TECPR2: variants seen among roughly 807,000 people sequenced by gnomAD.
TECPR2 encodes the protein tectonin beta-propeller repeat containing 2.
A neutral mutation model predicts 138.1 loss-of-function variants in TECPR2; 65 were observed. That is an observed-to-expected ratio of 0.47 (90% CI 0.39 to 0.58). The LOEUF is 0.58. Among genes scored for constraint, TECPR2 ranks in the 20% least tolerant of loss-of-function variants. TECPR2 has a pLI of 0.00. For synonymous variants in TECPR2, 746 were observed against 749.8 expected (o/e 0.99, Z 0.08); for missense variants, 1,553 against 1,824.5 (o/e 0.85, Z 2.71).
intron 1 of TECPR2, among the ~76,000 whole-genome samples, chr14:102,370,154 C>T (rs1887463870): frequency 6.6e-6 from 1 of 151,932 alleles, no homozygotes; most frequent in African/African-American, 2.4e-5. Context: ...TCACTGGAAC[C>T]TCTGCCTCCT....
At chr14:102,441,560 C>T (rs1889833080) in intron 11 of TECPR2, among the ~76,000 whole-genome samples, 1 of 151,526 alleles carries the variant, frequency 6.6e-6, no homozygotes, top group African/African-American at 2.4e-5. Context: ...CGTGGTGGCG[C>T]TTGCCTGTAA....
chr14:102,400,094 G>A (rs374254350), intron 2 of TECPR2, among the ~76,000 whole-genome samples: 2 of 149,260 alleles, frequency 1.3e-5, no homozygotes, highest in African/African-American at 2.5e-5. Flanking sequence ...CACCCAGGCT[G>A]GAGTACAGTG....
intron 1 of TECPR2, among the ~76,000 whole-genome samples, chr14:102,371,897 G>A (rs1887517451): frequency 6.6e-6 from 1 of 152,180 alleles, no homozygotes; most frequent in Non-Finnish European, 1.5e-5. Flanking sequence ...AAAAGTCTGT[G>A]TGTGTGCATA....
rs1156769545 is a variant in TECPR2 at position 102,431,048 on chromosome 14, A to G, written c.1085-748A>G. Among the ~76,000 whole-genome samples the G allele has an allele frequency of 2.3e-5, 3 of 129,716 alleles. 1 individual carries two copies. Among genetic ancestry groups the G allele is most frequent in the Non-Finnish European group, 4.8e-5 (3 of 62,360 alleles). The allele number at this position is 129,716 out of a possible 152,430, so 85.1% of individuals were successfully genotyped here. On this transcript the variant is annotated intron_variant, in intron 7 of 19. Transcript: ENST00000359520. ...ACTTTTTTTTTTTTTTTTTTGAGAC[A>G]GGTTTCACTCTGTCGTGCAGGCTGG... is the stretch of plus-strand genomic sequence containing the variant.
At chr14:102,373,229 G>A (rs186840566) in intron 1 of TECPR2, among the ~76,000 whole-genome samples, 19 of 151,652 alleles carry the variant, frequency 1.3e-4, no homozygotes, top group African/African-American at 4.6e-4. Flanking sequence ...TAATGGGTTT[G>A]TGTGCTAAGA....
In TECPR2 at chr14:102,432,135, T is replaced by G; in HGVS notation, c.1417+7T>G. 6.5e-7 allele frequency: 1 copy of G among 1,540,310 alleles called. No individual in the cohort carries two copies. Among genetic ancestry groups the G allele is most frequent in the Non-Finnish European group, 8.8e-7 (1 of 1,140,016 alleles). On this transcript the variant is annotated splice_region_variant and intron_variant, in intron 8 of 19. Transcript: ENST00000359520. ...AAGAAGAAGAAGAAGACAGGTACCC[T>G]CTGTAGCTGGCACACACCCATCTGG...
At chr14:102,428,660 G>T (rs1439424793) in intron 7 of TECPR2, among the ~76,000 whole-genome samples, 2 of 152,078 alleles carry the variant, frequency 1.3e-5, no homozygotes, top group Non-Finnish European at 1.5e-5. Flanking sequence ...TACTCGGGAG[G>T]CTGAGGTGGG....
rs1448522801 is a variant in TECPR2, at chr14:102,376,228, T to TTCAGGATGTGTTCA, written c.-72-421_-72-408dup. Reference sequence around the variant, plus strand: ...CTGTCCAACCTGGTGGGCTTCATAGTTCAGGATGTGTTCAGTGAAGCCATG... The same window carrying TTCAGGATGTGTTCA: ...CTGTCCAACCTGGTGGGCTTCATAGTTCAGGATGTGTTCATCAGGATGTGTTCAGTGAAGCCATG... On this transcript the variant is annotated intron_variant, in intron 1 of 19. Coordinates refer to ENST00000359520, the MANE Select transcript of TECPR2 (RefSeq NM_014844.5). Among the ~76,000 whole-genome samples the TTCAGGATGTGTTCA allele has an allele frequency of 2.0e-5, 3 of 152,210 alleles. No homozygotes were observed. The East Asian group carries it at 5.8e-4, about 29-fold the overall frequency.
At chr14:102,411,293 A>G (rs1451235751) in intron 4 of TECPR2, among the ~76,000 whole-genome samples, 1 of 152,224 alleles carries the variant, frequency 6.6e-6, no homozygotes, top group Non-Finnish European at 1.5e-5. Context: ...CAGGAATGTC[A>G]GGCCTCTGAG....
intron 16 of TECPR2, among the ~76,000 whole-genome samples, chr14:102,457,869 CT>C (rs748372168): frequency 5.5e-3 from 563 of 102,728 alleles, no homozygotes; most frequent in African/African-American, 0.012. Flanking sequence ...ACTAAATTCC[CT>C]TTTTTTTTTT....
At chr14:102,409,911 T>G (rs1888776551) in intron 4 of TECPR2, among the ~76,000 whole-genome samples, 1 of 152,152 alleles carries the variant, frequency 6.6e-6, no homozygotes, top group South Asian at 2.1e-4. Context: ...TTCAAGGGAT[T>G]CTCATGCCTC....
At position 102,440,700 on chromosome 14, in the gene TECPR2, G is replaced by A. The variant is rs2295974; in HGVS notation, c.2752+91G>A. On this transcript the variant is annotated intron_variant, in intron 11 of 19. Coordinates refer to ENST00000359520, the MANE Select transcript of TECPR2 (RefSeq NM_014844.5). ...TGCTAGTAACATGCTTACCACAATC[G>A]CTATGATTAAGAGGCTAAATCCATT... 48,757 of 1,443,350 alleles carry A rather than the reference G, an allele frequency of 0.034. 954 individuals carry two copies. Among genetic ancestry groups the A allele is most frequent in the African/African-American group, 0.056 (3,942 of 70,756 alleles). The allele number at this position is 1,443,350 out of a possible 1,614,324, so 89.4% of individuals were successfully genotyped here.
chr14:102,449,865 C>T lies in TECPR2; in HGVS notation c.3312C>T (p.Leu1104=). 1 of 1,613,104 alleles carries T rather than the reference C, an allele frequency of 6.2e-7. No individual in the cohort carries two copies. The part of the protein sequence containing the change: ...KNEFHVAKGS[L]IGTYWNHVVP... ...AATTCCACGTCGCTAAGGGAAGTCT[C>T]ATAGGTGGGTGAATTGCTGTAATTT... Residue 1104 remains leucine (L), a synonymous_variant, in exon 14 of 20, where the codon CTC becomes CTT. Transcript: ENST00000359520.
chr14:102,437,566 A>AAAAAG (rs1889702290), intron 9 of TECPR2, among the ~76,000 whole-genome samples: 2 of 152,188 alleles, frequency 1.3e-5, no homozygotes, highest in Admixed American at 1.3e-4. Context: ...AAAGGAAAAA[A>AAAAAG]AAAAGAAAAT....
At chr14:102,474,911 T>A (rs1890725613) in intron 17 of TECPR2, among the ~76,000 whole-genome samples, 1 of 152,068 alleles carries the variant, frequency 6.6e-6, no homozygotes, top group African/African-American at 2.4e-5. Flanking sequence ...TGCCACTTCC[T>A]TCTGCAGATG....
rs1413444015 is a variant in TECPR2, at chr14:102,450,646, G to A, written c.3403G>A (p.Glu1135Lys). ...GTTGGCTTCTGCAGCTCCCACGAAGGAAGGTGGGTCAGTCTTAGCCTCACT... is the reference window on the plus strand; with the variant it reads ...GTTGGCTTCTGCAGCTCCCACGAAGAAAGGTGGGTCAGTCTTAGCCTCACT... Reference protein sequence around the residue: ...FVLASAAPTKEGSFLWLCQSS... With the variant: ...FVLASAAPTKKGSFLWLCQSS... Residue 1135 changes from glutamate to lysine, a missense_variant, in exon 15 of 20, where the codon GAA (glutamate) becomes AAA (lysine). Glu to Lys is a moderately conservative substitution (Grantham distance 56). Coordinates refer to ENST00000359520, the MANE Select transcript of TECPR2 (RefSeq NM_014844.5). 2 of 1,614,036 alleles carry A rather than the reference G, an allele frequency of 1.2e-6. No homozygotes were observed. The highest frequency in any genetic ancestry group is 1.3e-5 in the African/African-American group (1 of 74,938).
chr14:102,475,022 C>T (rs946078030), intron 17 of TECPR2, among the ~76,000 whole-genome samples: 7 of 152,342 alleles, frequency 4.6e-5, no homozygotes, highest in African/African-American at 1.7e-4. Context: ...CACAACAGAG[C>T]AGCGGCAAGA....
rs945637878 is a variant in TECPR2, at chr14:102,376,904, C to T, written c.183C>T (p.Cys61=). Residue 61 remains cysteine (C), a synonymous_variant, in exon 2 of 20, where the codon TGC becomes TGT. Coordinates refer to ENST00000359520, the MANE Select transcript of TECPR2 (RefSeq NM_014844.5). ...GSSIGMLYLY[C]RHLNQMRKYN... is the part of the protein sequence containing the mutation. ...GCATCGGCATGCTCTATCTGTACTG[C>T]CGGCACCTCAACCAGATGAGGAAGT... 6.2e-7 allele frequency: 1 copy of T among 1,614,120 alleles called. No homozygotes were observed. The highest frequency in any genetic ancestry group is 1.7e-5 in the Admixed American group (1 of 60,010).
chr14:102,396,790 C>T (rs566062136), intron 2 of TECPR2, among the ~76,000 whole-genome samples: 2 of 152,354 alleles, frequency 1.3e-5, no homozygotes, highest in Admixed American at 6.5e-5. Context: ...AGAGCTTGCA[C>T]ACAGCGTGGG....
Sources: allele counts gnomAD v4.1 joint callset (sites outside exome capture counted in the v4.1 genomes callset), GRCh38; gene constraint gnomAD v4.1.1; transcripts MANE v1.5; gene names NCBI Gene and HGNC (gene_info 2026-07-23, HGNC 2026-07-21).